FMNL2: variants seen among roughly 807,000 people sequenced by gnomAD.
FMNL2 encodes the protein formin like 2, also known as formin-like protein 2.
Under a neutral mutation model 130.2 loss-of-function variants are expected in FMNL2, and 51 were observed. That is an observed-to-expected ratio of 0.39 (90% CI 0.31 to 0.49). The LOEUF is 0.49. FMNL2 is among the 20% of genes least tolerant of loss of function. The pLI is 0.85. For synonymous variants in FMNL2, 465 were observed against 467.1 expected, an observed-to-expected ratio of 1.00 and a Z score of 0.06; for missense variants, 977 against 1,316.2, an observed-to-expected ratio of 0.74 and a Z score of 3.99.
At chr2:152,447,078 T>TA (rs1688382759) in intron 1 of FMNL2, among the ~76,000 whole-genome samples, 1 of 151,870 alleles carries the variant, frequency 6.6e-6, no homozygotes, top group Non-Finnish European at 1.5e-5. Context: ...GTCAATCTTC[T>TA]AAAGGTTGTG....
intron 1 of FMNL2, among the ~76,000 whole-genome samples, chr2:152,504,409 G>A (rs1432801694): frequency 1.3e-5 from 2 of 151,990 alleles, no homozygotes; most frequent in African/African-American, 4.8e-5. Flanking sequence ...ACCACGACCG[G>A]CTAATTTTTT....
intron 1 of FMNL2, among the ~76,000 whole-genome samples, chr2:152,513,749 C>T (rs930147964): frequency 6.6e-6 from 1 of 152,050 alleles, no homozygotes; most frequent in Non-Finnish European, 1.5e-5. Flanking sequence ...CTTTTATTTC[C>T]AAGATGTTAC....
intron 1 of FMNL2, among the ~76,000 whole-genome samples, chr2:152,358,067 G>T (rs1318106752): frequency 6.6e-6 from 1 of 152,190 alleles, no homozygotes; most frequent in Non-Finnish European, 1.5e-5. Context: ...GAAGAAGATG[G>T]AAGAGCTGAT....
rs139166455 is a variant in FMNL2 at position 152,404,053 on chromosome 2, C to T, written c.117+68333C>T. On this transcript the variant is annotated intron_variant, in intron 1 of 25. Coordinates refer to ENST00000288670, the MANE Select transcript of FMNL2 (RefSeq NM_052905.4). ...ACTGCACTGCAGCCTGGTGACAGAG[C>T]GAGACTCCGTCTCAATAAATAAATA... Among the ~76,000 whole-genome samples, 664 of 152,274 alleles carry T rather than the reference C, an allele frequency of 4.4e-3. 6 individuals are homozygous for T. Among genetic ancestry groups the T allele is most frequent in the African/African-American group, 0.015 (644 of 41,564 alleles).
At chr2:152,415,802 T>G (rs550513162) in intron 1 of FMNL2, among the ~76,000 whole-genome samples, 1 of 152,300 alleles carries the variant, frequency 6.6e-6, no homozygotes, top group South Asian at 2.1e-4. Context: ...CCAAGATAAA[T>G]TAGCAAGTAG....
At chr2:152,554,430 C>G (rs1327261861) in intron 4 of FMNL2, among the ~76,000 whole-genome samples, 1 of 152,166 alleles carries the variant, frequency 6.6e-6, no homozygotes, top group Non-Finnish European at 1.5e-5. Context: ...TGCTGTCTTA[C>G]ACTTTGATTG....
rs971393931 is a variant in FMNL2 at position 152,643,905 on chromosome 2, A to G, written c.3169+2991A>G. 1.4e-5 allele frequency: 14 copies of G among 983,966 alleles called. No individual in the cohort carries two copies. In the South Asian group the frequency reaches 3.3e-4, roughly 23 times the overall value. The allele number at this position is 983,966 out of a possible 1,614,324, so 61.0% of individuals were successfully genotyped here. A position where few individuals can be genotyped will look rare whatever the true frequency, so the allele number is the denominator to read the frequency against. On this transcript the variant is annotated intron_variant, in intron 25 of 25. Coordinates refer to ENST00000288670, the MANE Select transcript of FMNL2 (RefSeq NM_052905.4). ...TCCTTCAACATATCCATTAATAACAATAACTGCTATACCTAACATGTATTA... is the reference window on the plus strand; with the variant it reads ...TCCTTCAACATATCCATTAATAACAGTAACTGCTATACCTAACATGTATTA...
At chr2:152,405,912 T>G (rs1685955231) in intron 1 of FMNL2, among the ~76,000 whole-genome samples, 1 of 152,230 alleles carries the variant, frequency 6.6e-6, no homozygotes, top group African/African-American at 2.4e-5. Flanking sequence ...CATAGTAAAG[T>G]CTTTAAGAAT....
intron 1 of FMNL2, among the ~76,000 whole-genome samples, chr2:152,367,862 T>C (rs774962511): frequency 6.6e-6 from 1 of 152,218 alleles, no homozygotes; most frequent in Non-Finnish European, 1.5e-5. Context: ...GTGACCATGT[T>C]CAACTGAATT....
intron 1 of FMNL2, among the ~76,000 whole-genome samples, chr2:152,346,982 T>G (rs930610470): frequency 6.6e-6 from 1 of 152,058 alleles, no homozygotes; most frequent in Non-Finnish European, 1.5e-5. Flanking sequence ...TCCCAGCTAC[T>G]TGGGAGGCTG....
chr2:152,484,622 T>A (rs1176557178), intron 1 of FMNL2, among the ~76,000 whole-genome samples: 2 of 151,800 alleles, frequency 1.3e-5, no homozygotes, highest in Non-Finnish European at 2.9e-5. Context: ...ACTTAAAAAA[T>A]TAGCCGAGCA....
At chr2:152,513,866 A>G (rs950175531) in intron 1 of FMNL2, among the ~76,000 whole-genome samples, 1 of 152,174 alleles carries the variant, frequency 6.6e-6, no homozygotes, top group Non-Finnish European at 1.5e-5. Flanking sequence ...ATGAAAAATG[A>G]CTGACTGGTG....
At chr2:152,404,621 CA>C (rs1421024194) in intron 1 of FMNL2, among the ~76,000 whole-genome samples, 1 of 152,054 alleles carries the variant, frequency 6.6e-6, no homozygotes, top group Non-Finnish European at 1.5e-5. Flanking sequence ...AATTTTTCTG[CA>C]GAGTTCTCCA....
chr2:152,484,717 G>A (rs1690721409), intron 1 of FMNL2, among the ~76,000 whole-genome samples: 14 of 150,532 alleles, frequency 9.3e-5, no homozygotes, highest in African/African-American at 3.4e-4. Context: ...AGCCATGATG[G>A]TGCCCCTGCA....
intron 1 of FMNL2, among the ~76,000 whole-genome samples, chr2:152,424,182 C>T (rs1687056616): frequency 1.3e-5 from 2 of 152,110 alleles, no homozygotes; most frequent in South Asian, 4.2e-4. Flanking sequence ...TTTAGCATTC[C>T]CCTGTCCTTA....
chr2:152,539,350 G>GA (rs1694176685), intron 2 of FMNL2: 1 of 162,402 alleles, frequency 6.2e-6, no homozygotes, highest in East Asian at 1.7e-4. Context: ...AGGGTGGGTG[G>GA]AATCAAGAGT....
At chr2:152,386,316 G>A (rs2105911716) in intron 1 of FMNL2, among the ~76,000 whole-genome samples, 1 of 152,308 alleles carries the variant, frequency 6.6e-6, no homozygotes, top group Middle Eastern at 3.4e-3. Context: ...GTAAGTGGGA[G>A]TGTGGTCCAG....
intron 1 of FMNL2, among the ~76,000 whole-genome samples, chr2:152,342,265 G>A (rs1681855093): frequency 6.6e-6 from 1 of 152,196 alleles, no homozygotes; most frequent in Admixed American, 6.5e-5. Flanking sequence ...TGTCAAAAAA[G>A]TAGCTAATAC....
intron 6 of FMNL2, among the ~76,000 whole-genome samples, chr2:152,567,886 A>G (rs949505246): frequency 2.0e-5 from 3 of 151,886 alleles, no homozygotes; most frequent in Non-Finnish European, 4.4e-5. Context: ...GCGAGAAAAT[A>G]TAGCTTTTCT....
Sources: allele counts gnomAD v4.1 joint callset (sites outside exome capture counted in the v4.1 genomes callset), GRCh38; gene constraint gnomAD v4.1.1; transcripts MANE v1.5; gene names NCBI Gene and HGNC (gene_info 2026-07-23, HGNC 2026-07-21).